INPP5J: variants seen among roughly 807,000 people sequenced by gnomAD.
INPP5J encodes inositol polyphosphate-5-phosphatase J.
Under a neutral mutation model 86.6 loss-of-function variants are expected in INPP5J, and 75 were observed. That is an observed-to-expected ratio of 0.87 (90% CI 0.72 to 1.05). The LOEUF (loss-of-function observed/expected upper bound fraction) is 1.05. INPP5J is among the 50% of genes least tolerant of loss of function. The probability of loss-of-function intolerance (pLI) is 0.00; values close to 1 mark genes in which losing one functional copy is unlikely to be tolerated. For synonymous variants in INPP5J, 540 were observed against 550.0 expected (o/e 0.98, Z 0.25); for missense variants, 1,229 against 1,341.2 (o/e 0.92, Z 1.31).
Position 31,125,538 on chromosome 22 carries a change from C to T in INPP5J, c.799C>T (p.Pro267Ser), listed in dbSNP as rs553286562. The T allele has an allele frequency of 6.4e-7, 1 of 1,550,538 alleles. No individual in the cohort carries two copies. The highest frequency in any genetic ancestry group is 8.7e-7 in the Non-Finnish European group (1 of 1,146,968). Residue 267 changes from proline (P) to serine (S), a missense_variant, in exon 2 of 13, where the codon CCC (proline) becomes TCC (serine). Transcript: ENST00000331075. ...AQTSGPTGSPPCIQTSPDPRL... is the reference protein window; with the variant it reads ...AQTSGPTGSPSCIQTSPDPRL... Reference sequence around the variant, plus strand: ...GACATCTGGTCCTACAGGCTCCCCACCCTGCATCCAAACCTCCCCAGACCC... The same window carrying T: ...GACATCTGGTCCTACAGGCTCCCCATCCTGCATCCAAACCTCCCCAGACCC...
Position 31,124,845 on chromosome 22 carries a change from G to A in INPP5J, c.106G>A (p.Val36Met). 3 of 1,608,500 alleles carry A rather than the reference G, an allele frequency of 1.9e-6. No individual in the cohort carries two copies. The highest frequency in any genetic ancestry group is 2.6e-6 in the Non-Finnish European group (3 of 1,175,904). ...GAATCTTTGACTTGTCCTCCACAAG[G>A]TGGACTCAAGTTTTCAGCTCCCAGC... is the stretch of plus-strand genomic sequence containing the variant. ...GVAQTGAPSK[V>M]DSSFQLPAKK... Residue 36 changes from valine to methionine, a missense_variant and splice_region_variant, in exon 2 of 13, where the codon GTG becomes ATG. Val to Met is a conservative substitution (Grantham distance 21). Coordinates refer to ENST00000331075, the MANE Select transcript of INPP5J (RefSeq NM_001284285.2).
rs1355312608 is a variant in INPP5J, at chr22:31,125,672, T to G, written c.933T>G (p.Gly311=). Residue 311 remains glycine (G), a synonymous_variant, in exon 2 of 13, where the codon GGT becomes GGG. Coordinates refer to ENST00000331075, the MANE Select transcript of INPP5J (RefSeq NM_001284285.2). Reference sequence around the variant, plus strand: ...CCTTGCCCTTGGATGTGGGCCAGGGTCCTTCAGAGCCTGGCACTCACTCCC... The same window carrying G: ...CCTTGCCCTTGGATGTGGGCCAGGGGCCTTCAGAGCCTGGCACTCACTCCC... The part of the protein sequence containing the change: ...PQTLPLDVGQ[G]PSEPGTHSPG... 1.8e-5 allele frequency: 28 copies of G among 1,550,088 alleles called. No individual in the cohort carries two copies. The highest frequency in any genetic ancestry group is 2.4e-5 in the Non-Finnish European group (27 of 1,146,886).
rs1387022589 is a variant in INPP5J at position 31,125,998 on chromosome 22, A to G, written c.1259A>G (p.Asp420Gly). The G allele has an allele frequency of 1.9e-6, 3 of 1,567,040 alleles. No individual in the cohort carries two copies. The highest frequency in any genetic ancestry group is 2.3e-5 in the East Asian group (1 of 44,116). The change falls in exon 2 of 13, where the codon GAC becomes GGC. Residue 420 changes from aspartate (D) to glycine (G), a missense_variant. Physicochemically the swap from Asp to Gly is moderately conservative, Grantham distance 94 (BLOSUM62 -1). Transcript: ENST00000331075. Reference sequence around the variant, plus strand: ...TCAGCTCAGCCTACCTGGAAGAGCGACCCCGGCTTCCGGTGAGGGGGCCCT... The same window carrying G: ...TCAGCTCAGCCTACCTGGAAGAGCGGCCCCGGCTTCCGGTGAGGGGGCCCT... Reference protein sequence around the residue: ...PWSAQPTWKSDPGFRITVVTW... With the variant: ...PWSAQPTWKSGPGFRITVVTW...
chr22:31,129,624 A>C (rs1231219785), intron 9 of INPP5J, among the ~76,000 whole-genome samples: 1 of 146,014 alleles, frequency 6.8e-6, no homozygotes, highest in African/African-American at 2.6e-5. Context: ...GCTCACTGCA[A>C]CCTCTACCTC....
chr22:31,122,994 A>G lies in INPP5J; in HGVS notation c.-21A>G. On this transcript the variant is annotated 5_prime_UTR_variant, in exon 1 of 13. Transcript: ENST00000331075. ...GCTGGAGCCGGAGCCAAGGGAGTCC[A>G]GGCTGCCGGGGGCTGCAGACATGGA... 1.4e-6 allele frequency: 2 copies of G among 1,408,478 alleles called. No homozygotes were observed. The highest frequency in any genetic ancestry group is 1.9e-6 in the Non-Finnish European group (2 of 1,075,730). 87.2% of individuals were successfully genotyped at this position (1,408,478 alleles called of 1,614,324 possible). A position where few individuals can be genotyped will look rare whatever the true frequency, so the allele number is the denominator to read the frequency against.
Position 31,134,016 on chromosome 22 carries a change from C to A in INPP5J, c.2618C>A (p.Ser873Tyr). The A allele has an allele frequency of 6.2e-7, 1 of 1,609,566 alleles. No homozygotes were observed. The highest frequency in any genetic ancestry group is 1.1e-5 in the South Asian group (1 of 90,138). ...DSTLELLAPK[S>Y]RSPSPGKSKR... Reference sequence around the variant, plus strand: ...ACACTGGAGCTCCTTGCACCCAAGTCCCGCAGCCCCAGTCCTGGCAAGTCC... The same window carrying A: ...ACACTGGAGCTCCTTGCACCCAAGTACCGCAGCCCCAGTCCTGGCAAGTCC... The change falls in exon 13 of 13, where the codon TCC becomes TAC. Residue 873 changes from serine (S) to tyrosine (Y), a missense_variant. Ser to Tyr is a moderately radical substitution (Grantham distance 144). Coordinates refer to ENST00000331075, the MANE Select transcript of INPP5J (RefSeq NM_001284285.2).
intron 9 of INPP5J, among the ~76,000 whole-genome samples, chr22:31,128,901 G>A (rs1921775042): frequency 6.7e-6 from 1 of 149,778 alleles, no homozygotes; most frequent in African/African-American, 2.5e-5. Flanking sequence ...ACCCAAGTGA[G>A]TCTGGTTTCA....
intron 1 of INPP5J, chr22:31,124,235 C>T (rs944718763): frequency 1.0e-6 from 1 of 985,696 alleles, no homozygotes; most frequent in African/African-American, 1.7e-5. Context: ...GCTCCCAGCT[C>T]TTGCTCCTGA....
intron 1 of INPP5J, among the ~76,000 whole-genome samples, chr22:31,123,458 T>C (rs1921055484): frequency 6.6e-6 from 1 of 152,140 alleles, no homozygotes; most frequent in South Asian, 2.1e-4. Context: ...CGCTGAAGAC[T>C]AAAACTGTGA....
At chr22:31,132,446 G>A (rs1046463565) in intron 9 of INPP5J, among the ~76,000 whole-genome samples, 3 of 152,106 alleles carry the variant, frequency 2.0e-5, no homozygotes, top group Non-Finnish European at 4.4e-5. Flanking sequence ...TAAAATAAGA[G>A]TCTCTGAGTT....
At position 31,134,569 on chromosome 22, in the gene INPP5J, C is replaced by G; in HGVS notation, c.*150C>G. 1 of 718,482 alleles carries G rather than the reference C, an allele frequency of 1.4e-6. No individual in the cohort carries two copies. Among genetic ancestry groups the G allele is most frequent in the South Asian group, 3.4e-5 (1 of 29,438 alleles). The allele number at this position is 718,482 out of a possible 1,614,324, so 44.5% of individuals were successfully genotyped here. A position where few individuals can be genotyped will look rare whatever the true frequency, so the allele number is the denominator to read the frequency against. ...TGGACAACTGGGGTCCCCCAAAACT[C>G]AGTCCTGGCACCTCAACTGTGACAA... is the stretch of plus-strand genomic sequence containing the variant. On this transcript the variant is annotated 3_prime_UTR_variant, in exon 13 of 13. Coordinates refer to ENST00000331075, the MANE Select transcript of INPP5J (RefSeq NM_001284285.2).
chr22:31,133,631 C>T lies in INPP5J; in HGVS notation c.2431C>T (p.Leu811=), dbSNP rs1922296107. The change falls in exon 12 of 13, where the codon CTG becomes TTG. Residue 811 remains leucine, a synonymous_variant. Transcript: ENST00000331075. ...CCAGGTAACATTCAGTGAGGAATCA[C>T]TGCCCAAGGGCCATGGAGACTTCAT... is the stretch of plus-strand genomic sequence containing the variant. ...TYQVTFSEES[L]PKGHGDFILG... 6.2e-7 allele frequency: 1 copy of T among 1,612,368 alleles called. No homozygotes were observed. The highest frequency in any genetic ancestry group is 1.1e-5 in the South Asian group (1 of 90,728).
At position 31,125,252 on chromosome 22, in the gene INPP5J, TG is replaced by T. The variant is rs1243033162; in HGVS notation, c.514del (p.Ala172ProfsTer14). On this transcript the variant is annotated frameshift_variant, in exon 2 of 13. Coordinates refer to ENST00000331075, the MANE Select transcript of INPP5J (RefSeq NM_001284285.2). LOFTEE classifies it high-confidence loss of function. ...TSRDQKQEPP[A>X]SVGPKPTLAA... ...CCAGAGACCAGAAGCAGGAGCCACC[TG>T]CCTCCGTGGGACCCAAGCCAACACT... 2.5e-5 allele frequency: 38 copies of T among 1,550,370 alleles called. No individual in the cohort carries two copies. The highest frequency in any genetic ancestry group is 3.1e-5 in the Non-Finnish European group (36 of 1,146,976).
chr22:31,132,626 C>T (rs896966226), intron 9 of INPP5J, among the ~76,000 whole-genome samples: 1 of 152,024 alleles, frequency 6.6e-6, no homozygotes, highest in Middle Eastern at 3.4e-3. Context: ...GTGGTCTCAG[C>T]TACTGGGGAG....
rs746202602 is a variant in INPP5J, at chr22:31,127,463, A to G, written c.1718A>G (p.Asp573Gly). Residue 573 changes from aspartate to glycine, a missense_variant, in exon 6 of 13, where the codon GAC (aspartate) becomes GGC (glycine). Physicochemically the swap from Asp to Gly is moderately conservative, Grantham distance 94. Transcript: ENST00000331075. ...ATGGACAAGGCGGAGCAGCGCAAAG[A>G]CAACTTCCAGACCATCCTCAGCCTC... is the stretch of plus-strand genomic sequence containing the variant. ...AHMDKAEQRK[D>G]NFQTILSLQQ... 166 of 1,613,756 alleles carry G rather than the reference A, an allele frequency of 1.0e-4. 1 individual carries two copies. In the Middle Eastern group the frequency reaches 1.2e-3, roughly 11 times the overall value.
upstream of INPP5J, chr22:31,122,864 C>A: frequency 1.9e-6 from 1 of 529,140 alleles, no homozygotes; most frequent in Non-Finnish European, 3.2e-6. Context: ...AGGGGGTAGC[C>A]ACCTTGCTTC....
chr22:31,126,757 C>A (rs1266004496), intron 4 of INPP5J, 36 bp downstream of exon 4: 8 of 1,559,922 alleles, frequency 5.1e-6, no homozygotes, highest in Non-Finnish European at 7.1e-6. Context: ...AGCCAGAGAC[C>A]CTGCTGAATT....
chr22:31,133,233 C>A lies in INPP5J; in HGVS notation c.2329C>A (p.Arg777=), dbSNP rs766488330. Residue 777 remains arginine, a splice_region_variant and synonymous_variant, in exon 10 of 13, where the codon CGG becomes AGG. Transcript: ENST00000331075. ...CTCCTGGGACTGGATCGGCTTATAC[C>A]GGGTGAGAGGGGCAGTGGTGGTCAG... is the stretch of plus-strand genomic sequence containing the variant. ...RSSWDWIGLY[R]VGFRHCKDYV... The A allele has an allele frequency of 6.2e-6, 10 of 1,606,226 alleles. No homozygotes were observed. In the African/African-American group the frequency reaches 6.7e-5, roughly 11 times the overall value.
At chr22:31,124,781 A>C in intron 1 of INPP5J, 64 bp from the exon 2 acceptor site, 1 of 1,408,586 alleles carries the variant, frequency 7.1e-7, no homozygotes, top group Non-Finnish European at 9.8e-7. Flanking sequence ...CAGGGTCTAT[A>C]TGGAAGTTGG....
Sources: gnomAD v4.1 joint callset for allele counts (sites outside exome capture counted in the v4.1 genomes callset) on GRCh38, gnomAD v4.1.1 for gene constraint, MANE v1.5 for transcripts, NCBI Gene and HGNC (gene_info 2026-07-23, HGNC 2026-07-21) for gene names.